The following USP34 variants were observed in gnomAD, a reference collection of about 807,000 sequenced individuals.
USP34 encodes the protein ubiquitin carboxyl-terminal hydrolase 34.
Under a neutral mutation model 460.3 loss-of-function variants are expected in USP34, and 70 were observed. The ratio of observed to expected loss-of-function variants is 0.15; its 90% confidence interval spans 0.13 to 0.19. USP34 has a LOEUF of 0.19. Among genes scored for constraint, USP34 ranks in the 10% least tolerant of loss-of-function variants. The pLI is 1.00. For missense variants in USP34, 3,985 were observed against 4,236.2 expected (o/e 0.94, Z 1.65); for synonymous variants, 1,647 against 1,405.3 (o/e 1.17, Z -3.85).
intron 61 of USP34, 50 bp from the exon 62 acceptor site, chr2:61,227,268 T>G: frequency 6.5e-7 from 1 of 1,549,884 alleles, no homozygotes; most frequent in Non-Finnish European, 8.7e-7. Flanking sequence ...TTTAATATCA[T>G]TTTGAGAACA....
At chr2:61,192,358 C>T (rs1219063533) in intron 76 of USP34, among the ~76,000 whole-genome samples, 7 of 152,254 alleles carry the variant, frequency 4.6e-5, no homozygotes, top group Admixed American at 2.6e-4. Context: ...ATTATTTATG[C>T]AGCCACTTAA....
Position 61,300,965 on chromosome 2 carries a change from C to A in USP34, c.4114G>T (p.Val1372Leu). The A allele has an allele frequency of 6.2e-7, 1 of 1,611,794 alleles. No homozygotes were observed. The highest frequency in any genetic ancestry group is 8.5e-7 in the Non-Finnish European group (1 of 1,178,936). Residue 1372 changes from valine to leucine, a missense_variant, in exon 29 of 80, where the codon GTG (valine) becomes TTG (leucine). By Grantham distance (32) the Val-to-Leu change is conservative (BLOSUM62 1). This residue lies in a region of USP34 where 1,114 missense variants were observed against 1,122.5 expected (regional missense o/e 0.99). Transcript: ENST00000398571. The part of the protein sequence containing the change: ...SFKPPSGKVA[V>L]DDSESLRCEE... ...AACATAGTCACCTCACTATCATCCA[C>A]TGCCACTTTTCCTGAGGGTGGTTTA... is the stretch of plus-strand genomic sequence containing the variant.
At chr2:61,468,817 T>C (rs1695861373) in intron 1 of USP34, among the ~76,000 whole-genome samples, 1 of 152,204 alleles carries the variant, frequency 6.6e-6, no homozygotes, top group Admixed American at 6.5e-5. Context: ...TAATCTTAAA[T>C]AAGACCTTTC....
intron 10 of USP34, among the ~76,000 whole-genome samples, chr2:61,359,498 G>A (rs1390485623): frequency 6.6e-6 from 1 of 152,096 alleles, no homozygotes; most frequent in East Asian, 1.9e-4. Context: ...AGAAGGAAAA[G>A]ATAAGGATTG....
Position 61,196,069 on chromosome 2 carries a change from A to ATTTTTTTTTTTTTT in USP34, c.9509-3103_9509-3090dup, listed in dbSNP as rs71403398. On this transcript the variant is annotated intron_variant, in intron 75 of 79. Coordinates refer to ENST00000398571, the MANE Select transcript of USP34 (RefSeq NM_014709.4). ...CTACAGGTATGCACCACCATGCACG[A>ATTTTTTTTTTTTTT]TTTTTTTTTTTTTTTTTTTTTTTTT... is the stretch of plus-strand genomic sequence containing the variant. Among the ~76,000 whole-genome samples the ATTTTTTTTTTTTTT allele has an allele frequency of 5.3e-4, 22 of 41,576 alleles. 5 individuals carry two copies. The highest frequency in any genetic ancestry group is 1.1e-3 in the African/African-American group (10 of 9,518). 27.3% of individuals were successfully genotyped at this position (41,576 alleles called of 152,430 possible).
chr2:61,404,868 T>C (rs1001155806), intron 3 of USP34, among the ~76,000 whole-genome samples: 6 of 152,154 alleles, frequency 3.9e-5, no homozygotes, highest in Admixed American at 2.0e-4. Context: ...GATAGGTTAC[T>C]ACATACTTAG....
At chr2:61,271,255 G>T (rs1306262910) in intron 41 of USP34, among the ~76,000 whole-genome samples, 1 of 152,186 alleles carries the variant, frequency 6.6e-6, no homozygotes. Flanking sequence ...AGTGGACCGA[G>T]ATCGCACCAC....
chr2:61,274,480 G>C (rs2103941624), intron 41 of USP34, among the ~76,000 whole-genome samples: 1 of 150,630 alleles, frequency 6.6e-6, no homozygotes, highest in Non-Finnish European at 1.5e-5. Flanking sequence ...ATTACAGTGA[G>C]ATAGTTTCCT....
At chr2:61,456,975 T>G (rs938674922) in intron 1 of USP34, among the ~76,000 whole-genome samples, 2 of 151,812 alleles carry the variant, frequency 1.3e-5, no homozygotes, top group African/African-American at 4.8e-5. Flanking sequence ...AGCAAGACTC[T>G]GTCTGAAAAA....
intron 25 of USP34, among the ~76,000 whole-genome samples, 175 bp downstream of exon 25, chr2:61,314,410 G>T (rs533369624): frequency 5.9e-5 from 9 of 152,140 alleles, no homozygotes; most frequent in Admixed American, 3.9e-4. Context: ...CTATTCCAAG[G>T]CAAAATGGTA....
Position 61,311,922 on chromosome 2 carries a change from C to T in USP34, c.3543-12G>A, listed in dbSNP as rs1185827596. 1 of 1,609,964 alleles carries T rather than the reference C, an allele frequency of 6.2e-7. No homozygotes were observed. The highest frequency in any genetic ancestry group is 8.5e-7 in the Non-Finnish European group (1 of 1,179,100). ...GATGATATGCAAACCTAAAACATGA[C>T]ACAAACAACACATAGAAAGGATACC... is the stretch of plus-strand genomic sequence containing the variant. On this transcript the variant is annotated splice_polypyrimidine_tract_variant and intron_variant, in intron 25 of 79. Transcript: ENST00000398571.
At chr2:61,304,439 G>T (rs1342497173) in intron 27 of USP34, among the ~76,000 whole-genome samples, 1 of 152,172 alleles carries the variant, frequency 6.6e-6, no homozygotes, top group African/African-American at 2.4e-5. Context: ...GAATATAAGT[G>T]TTCCCCAAAT....
rs189334517 is a variant in USP34 at position 61,248,396 on chromosome 2, C to T, written c.6394+115G>A. On this transcript the variant is annotated intron_variant, in intron 49 of 79. Coordinates refer to ENST00000398571, the MANE Select transcript of USP34 (RefSeq NM_014709.4). ...GCATGACATTGTCTTAACCTTCTCC[C>T]TTCTAAGATTCAATTTTTGTTAACT... The T allele has an allele frequency of 3.2e-4, 331 of 1,040,190 alleles. 2 individuals are homozygous for T. The African/African-American group carries it at 4.7e-3, about 15-fold the overall frequency. 64.4% of individuals were successfully genotyped at this position (1,040,190 alleles called of 1,614,324 possible). A position where few individuals can be genotyped will look rare whatever the true frequency, so the allele number is the denominator to read the frequency against.
At position 61,447,482 on chromosome 2, in the gene USP34, T is replaced by C. The variant is rs192300822; in HGVS notation, c.43+23168A>G. The stretch of plus-strand genomic sequence containing the variant: ...GTTTTTCAAGAAAATGCTTGTTAAA[T>C]ATAAAAAATCTGGATAACTTTGCAT... On this transcript the variant is annotated intron_variant, in intron 1 of 79. Transcript: ENST00000398571. 9.9e-4 allele frequency among the ~76,000 whole-genome samples: 150 copies of C among 152,240 alleles called. 2 individuals are homozygous for C. The East Asian group carries it at 0.027, about 28-fold the overall frequency.
At chr2:61,385,864 C>T (rs1253564563) in intron 5 of USP34, among the ~76,000 whole-genome samples, 2 of 150,672 alleles carry the variant, frequency 1.3e-5, no homozygotes, top group Non-Finnish European at 3.0e-5. Context: ...GGTGTGGTGA[C>T]GCGCACCTGT....
intron 10 of USP34, among the ~76,000 whole-genome samples, chr2:61,354,663 C>G (rs750514782): frequency 2.0e-5 from 3 of 152,114 alleles, no homozygotes; most frequent in Non-Finnish European, 4.4e-5. Flanking sequence ...AAAAGAGTAG[C>G]TTTTTTTCAC....
chr2:61,421,538 T>G (rs897453446), intron 1 of USP34, among the ~76,000 whole-genome samples: 1 of 152,238 alleles, frequency 6.6e-6, no homozygotes, highest in Non-Finnish European at 1.5e-5. Context: ...ATAAGGGTCT[T>G]TGAAGCCACT....
At chr2:61,326,533 A>G (rs1344281109) in intron 20 of USP34, among the ~76,000 whole-genome samples, 1 of 152,020 alleles carries the variant, frequency 6.6e-6, no homozygotes, top group Admixed American at 6.6e-5. Flanking sequence ...CCAGGTTTGC[A>G]TTTTAAAAGG....
intron 1 of USP34, among the ~76,000 whole-genome samples, chr2:61,469,159 A>T (rs1386524586): frequency 1.3e-5 from 2 of 152,178 alleles, no homozygotes; most frequent in African/African-American, 2.4e-5. Context: ...GTGAGCCGAG[A>T]TCATGCCATT....
Sources: gnomAD v4.1 joint callset for allele counts (sites outside exome capture counted in the v4.1 genomes callset) on GRCh38, gnomAD v4.1.1 for gene constraint, gnomAD v4.1.1 regional missense constraint, MANE v1.5 for transcripts, NCBI Gene and HGNC (gene_info 2026-07-23, HGNC 2026-07-21) for gene names.